Variants in CHL1 observed in about 807,000 individuals in gnomAD.
The protein encoded by CHL1 is cell adhesion molecule L1 like, also known as neural cell adhesion molecule L1-like protein.
A neutral mutation model predicts 141.9 loss-of-function variants in CHL1; 96 were observed. The ratio of observed to expected loss-of-function variants is 0.68; its 90% CI spans 0.57 to 0.80. CHL1 has a LOEUF of 0.80. CHL1 is among the 30% of genes least tolerant of loss of function. The pLI is 0.00. For missense variants in CHL1, 1,820 were observed against 1,457.2 expected, an observed-to-expected ratio of 1.25 and a Z score of -4.05; for synonymous variants, 613 against 502.2, an observed-to-expected ratio of 1.22 and a Z score of -2.95.
chr3:311,103 GTTTA>G (rs1191934551), intron 2 of CHL1, among the ~76,000 whole-genome samples: 1 of 152,060 alleles, frequency 6.6e-6, no homozygotes. Flanking sequence ...ACACAGTATA[GTTTA>G]TTTATCCATT....
intron 8 of CHL1, 55 bp from the exon 9 acceptor site, chr3:344,534 G>T (rs1398025713): frequency 2.4e-5 from 34 of 1,395,378 alleles, no homozygotes; most frequent in Non-Finnish European, 3.2e-5. Context: ...TGGTGTCACA[G>T]AATTTTATGT....
intron 2 of CHL1, among the ~76,000 whole-genome samples, chr3:273,560 A>T (rs1695827356): frequency 1.3e-5 from 2 of 152,118 alleles, no homozygotes; most frequent in Non-Finnish European, 2.9e-5. Context: ...GCTTGGAGCT[A>T]TATTTAATAT....
At chr3:274,538 A>G (rs1188270475) in intron 2 of CHL1, among the ~76,000 whole-genome samples, 1 of 152,224 alleles carries the variant, frequency 6.6e-6, no homozygotes, top group Non-Finnish European at 1.5e-5. Context: ...ACAATATTCT[A>G]ATCTCAGATG....
At chr3:378,249 T>A (rs967930642) in intron 16 of CHL1, among the ~76,000 whole-genome samples, 1 of 152,158 alleles carries the variant, frequency 6.6e-6, no homozygotes, top group Non-Finnish European at 1.5e-5. Context: ...AGCTACTCTT[T>A]CCTGGTGTAC....
Position 405,590 on chromosome 3 carries a change from A to T in CHL1, c.3554A>T (p.Glu1185Val). The T allele has an allele frequency of 1.2e-6, 2 of 1,613,342 alleles. No individual in the cohort carries two copies. Among genetic ancestry groups the T allele is most frequent in the Non-Finnish European group, 1.7e-6 (2 of 1,179,358 alleles). ...GCTGACAGCTTAGTCGAATACGGAGAGGGAGACCATGGTCTCTTCAGTGAA... is the reference window on the plus strand; with the variant it reads ...GCTGACAGCTTAGTCGAATACGGAGTGGGAGACCATGGTCTCTTCAGTGAA... Reference protein sequence around the residue: ...ESADSLVEYGEGDHGLFSEDG... With the variant: ...ESADSLVEYGVGDHGLFSEDG... The change falls in exon 28 of 28, where the codon GAG (glutamate) becomes GTG (valine). Residue 1185 changes from glutamate (E) to valine (V), a missense_variant. Physicochemically the swap from Glu to Val is moderately radical, Grantham distance 121 (BLOSUM62 -2). Coordinates refer to ENST00000256509, the MANE Select transcript of CHL1 (RefSeq NM_006614.4).
At chr3:331,558 G>C (rs1021162392) in intron 5 of CHL1, among the ~76,000 whole-genome samples, 2 of 152,080 alleles carry the variant, frequency 1.3e-5, no homozygotes, top group Middle Eastern at 6.8e-3. Flanking sequence ...GATTTCTTTA[G>C]TCATATTAAA....
chr3:238,071 T>A (rs73020808), intron 1 of CHL1, among the ~76,000 whole-genome samples: 10,983 of 152,300 alleles, frequency 0.072, 447 homozygotes, highest in Middle Eastern at 0.12. Flanking sequence ...AATTTCTGTC[T>A]GTGTGTTCAT....
intron 1 of CHL1, among the ~76,000 whole-genome samples, chr3:228,151 T>C (rs1252056134): frequency 1.3e-5 from 2 of 152,224 alleles, no homozygotes; most frequent in Non-Finnish European, 2.9e-5. Flanking sequence ...CCAAAGTTAA[T>C]GTTATTGGAA....
At chr3:243,877 A>G (rs1692902831) in intron 1 of CHL1, among the ~76,000 whole-genome samples, 1 of 152,154 alleles carries the variant, frequency 6.6e-6, no homozygotes, top group Admixed American at 6.6e-5. Flanking sequence ...AAAAATGTTG[A>G]CTTATTCCAA....
intron 16 of CHL1, among the ~76,000 whole-genome samples, chr3:378,621 G>A (rs1706646788): frequency 6.6e-6 from 1 of 152,126 alleles, no homozygotes; most frequent in African/African-American, 2.4e-5. Flanking sequence ...TGCTTTTAAG[G>A]ACAACATCAG....
chr3:315,493 T>C lies in CHL1; in HGVS notation c.-94-4190T>C, dbSNP rs555555445. Among the ~76,000 whole-genome samples, 3 of 152,260 alleles carry C rather than the reference T, an allele frequency of 2.0e-5. No individual in the cohort carries two copies. The East Asian group carries it at 5.8e-4, about 29-fold the overall frequency. ...ATTTAAATTAAGGGAGCAAGTTGTTTCTAGATTTGCCACCATGGAGCACTT... is the reference window on the plus strand; with the variant it reads ...ATTTAAATTAAGGGAGCAAGTTGTTCCTAGATTTGCCACCATGGAGCACTT... On this transcript the variant is annotated intron_variant, in intron 2 of 27. Transcript: ENST00000256509.
At position 275,867 on chromosome 3, in the gene CHL1, C is replaced by A. The variant is rs529867820; in HGVS notation, c.-95+31175C>A. On this transcript the variant is annotated intron_variant, in intron 2 of 27. Coordinates refer to ENST00000256509, the MANE Select transcript of CHL1 (RefSeq NM_006614.4). ...ATAAAATTTAAATATTATTAGCAAT[C>A]ATGATTAAGGATATTATTAATTGTA... 3.9e-5 allele frequency among the ~76,000 whole-genome samples: 6 copies of A among 152,106 alleles called. No individual in the cohort carries two copies. The East Asian group carries it at 1.2e-3, about 29-fold the overall frequency.
Position 342,994 on chromosome 3 carries a change from T to C in CHL1, c.690T>C (p.Ala230=), listed in dbSNP as rs781340420. ...GTTTTTTTATTTCAGTAAAGCATGC[T>C]AATGACTCAAGTTCATCCACAGAAA... ...MKLTVNSLKH[A]NDSSSSTEIG... The change falls in exon 8 of 28, where the codon GCT becomes GCC. Residue 230 remains alanine (A), a synonymous_variant. Coordinates refer to ENST00000256509, the MANE Select transcript of CHL1 (RefSeq NM_006614.4). 1 of 1,609,170 alleles carries C rather than the reference T, an allele frequency of 6.2e-7. No homozygotes were observed. The highest frequency in any genetic ancestry group is 1.7e-5 in the Admixed American group (1 of 58,748).
rs542754691 is a variant in CHL1 at position 337,021 on chromosome 3, A to G, written c.386-3773A>G. Among the ~76,000 whole-genome samples the G allele has an allele frequency of 4.9e-4, 74 of 150,358 alleles. 1 individual carries two copies. The highest frequency in any genetic ancestry group is 9.0e-4 in the Non-Finnish European group (61 of 67,768). On this transcript the variant is annotated intron_variant, in intron 5 of 27. Transcript: ENST00000256509. ...GTTAGTTGTTGCTAGAAATCTGTCT[A>G]TGACACTGAATAATAAATGTGAAAG...
At chr3:319,654 C>A (rs1700407618) in intron 2 of CHL1, 29 bp from the exon 3 acceptor site, 4 of 474,518 alleles carry the variant, frequency 8.4e-6, no homozygotes, top group East Asian at 8.6e-5. Flanking sequence ...AGTTTGTGAA[C>A]TAACATGTTA....
rs144488711 is a variant in CHL1 at position 243,908 on chromosome 3, A to C, written c.-174-705A>C. On this transcript the variant is annotated intron_variant, in intron 1 of 27. Transcript: ENST00000256509. ...TCCAATCGTTCTGATGCCTAATAGA[A>C]AGTAGAGTTTTTTAAAAGCATGTTC... Among the ~76,000 whole-genome samples, 260 of 152,306 alleles carry C rather than the reference A, an allele frequency of 1.7e-3. 1 individual carries two copies. The highest frequency in any genetic ancestry group is 5.9e-3 in the African/African-American group (244 of 41,566).
intron 2 of CHL1, among the ~76,000 whole-genome samples, chr3:300,364 G>A (rs752328581): frequency 6.6e-6 from 1 of 152,112 alleles, no homozygotes; most frequent in Non-Finnish European, 1.5e-5. Context: ...GGCAGGAACT[G>A]GCTCTGATGC....
chr3:311,055 A>T (rs921216728), intron 2 of CHL1, among the ~76,000 whole-genome samples: 2 of 152,182 alleles, frequency 1.3e-5, no homozygotes, highest in African/African-American at 4.8e-5. Context: ...CATGGCTGAT[A>T]GCTCATTTCT....
At chr3:250,947 G>T (rs331886) in intron 2 of CHL1, among the ~76,000 whole-genome samples, 1 of 151,926 alleles carries the variant, frequency 6.6e-6, no homozygotes, top group Admixed American at 6.6e-5. Flanking sequence ...AGAGCCACAG[G>T]GTTGAAGATA....
Sources: gnomAD v4.1 joint callset for allele counts (sites outside exome capture counted in the v4.1 genomes callset) on GRCh38, gnomAD v4.1.1 for gene constraint, MANE v1.5 for transcripts, NCBI Gene and HGNC (gene_info 2026-07-23, HGNC 2026-07-21) for gene names.